The following MYT1L variants were observed in gnomAD, a reference collection of about 807,000 sequenced individuals.
MYT1L encodes myelin transcription factor 1 like.
In MYT1L, 12 loss-of-function variants were observed where a neutral mutation model predicts 126.7. The ratio of observed to expected loss-of-function variants is 0.09; its 90% confidence interval spans 0.06 to 0.15. MYT1L has a LOEUF of 0.15. Ranked by LOEUF, MYT1L falls within the 10% of genes least tolerant of loss-of-function variation. The pLI is 1.00. For missense variants in MYT1L, 979 were observed against 1,585.2 expected (o/e 0.62, Z 6.49); for synonymous variants, 541 against 604.2 (o/e 0.90, Z 1.53).
intron 2 of MYT1L, among the ~76,000 whole-genome samples, chr2:2,265,737 A>G (rs1469259193): frequency 6.6e-6 from 1 of 152,222 alleles, no homozygotes; most frequent in African/African-American, 2.4e-5. Flanking sequence ...GGTAAGCATG[A>G]AGTTCAATAA....
intron 21 of MYT1L, chr2:1,816,715 T>G (rs1346606704): frequency 6.5e-6 from 1 of 152,780 alleles, no homozygotes; most frequent in African/African-American, 2.4e-5. Flanking sequence ...GTTCTCTCGC[T>G]TCAGGCGCTT....
At chr2:2,188,985 C>T (rs1327243739) in intron 2 of MYT1L, among the ~76,000 whole-genome samples, 1 of 152,180 alleles carries the variant, frequency 6.6e-6, no homozygotes, top group East Asian at 1.9e-4. Context: ...TGCGAGACTA[C>T]AGGGAGAGGA....
intron 2 of MYT1L, among the ~76,000 whole-genome samples, chr2:2,226,145 G>A (rs1398221350): frequency 6.6e-6 from 1 of 152,056 alleles, no homozygotes. Context: ...GAAAGCAAAG[G>A]CCAGAACCCA....
chr2:2,222,755 A>C (rs1405887406), intron 2 of MYT1L, among the ~76,000 whole-genome samples: 3 of 152,116 alleles, frequency 2.0e-5, no homozygotes, highest in African/African-American at 7.2e-5. Context: ...AAACTGTAGG[A>C]TATCTACTTG....
At chr2:2,287,137 T>C (rs762945783) in intron 1 of MYT1L, among the ~76,000 whole-genome samples, 1 of 152,154 alleles carries the variant, frequency 6.6e-6, no homozygotes, top group Non-Finnish European at 1.5e-5. Context: ...ATGCCTGTAA[T>C]ACCAGCTACT....
chr2:2,146,676 A>C (rs558675541), intron 3 of MYT1L, among the ~76,000 whole-genome samples: 1 of 151,588 alleles, frequency 6.6e-6, no homozygotes, highest in East Asian at 1.9e-4. Flanking sequence ...TTCAGAATTA[A>C]CAAGTGCATC....
chr2:2,319,323 C>T (rs1035561928), intron 1 of MYT1L: 2 of 152,180 alleles, frequency 1.3e-5, no homozygotes, highest in African/African-American at 2.4e-5. Context: ...GAACAGACCC[C>T]TGACAGTTAC....
chr2:1,875,691 G>C (rs2046820673), intron 18 of MYT1L, among the ~76,000 whole-genome samples: 1 of 152,198 alleles, frequency 6.6e-6, no homozygotes, highest in African/African-American at 2.4e-5. Context: ...ATGAGCGGAA[G>C]CAGATCGTGT....
intron 4 of MYT1L, among the ~76,000 whole-genome samples, chr2:2,014,762 A>C (rs1014808117): frequency 1.3e-5 from 2 of 152,226 alleles, no homozygotes; most frequent in Non-Finnish European, 2.9e-5. Flanking sequence ...TGGGGCGAGC[A>C]AGAGGACTAG....
rs114999152 is a variant in MYT1L, at chr2:1,964,899, G to T, written c.152+14266C>A. 4.9e-3 allele frequency among the ~76,000 whole-genome samples: 739 copies of T among 152,288 alleles called. 7 individuals carry two copies. The highest frequency in any genetic ancestry group is 0.017 in the African/African-American group (699 of 41,546). Reference sequence around the variant, plus strand: ...CAAGGAGCTTGGGGTCACGGGCAAGGAAGACTGACAGCCGTGGGTACAGGA... The same window carrying T: ...CAAGGAGCTTGGGGTCACGGGCAAGTAAGACTGACAGCCGTGGGTACAGGA... On this transcript the variant is annotated intron_variant, in intron 8 of 24. Coordinates refer to ENST00000647738, the MANE Select transcript of MYT1L (RefSeq NM_001303052.2).
chr2:1,826,530 C>A (rs1022639591), intron 21 of MYT1L, among the ~76,000 whole-genome samples: 1 of 152,060 alleles, frequency 6.6e-6, no homozygotes, highest in African/African-American at 2.4e-5. Context: ...TCACAGGGCC[C>A]TTTGGGATTC....
At chr2:2,247,763 T>G (rs926135443) in intron 2 of MYT1L, among the ~76,000 whole-genome samples, 1 of 152,098 alleles carries the variant, frequency 6.6e-6, no homozygotes, top group Non-Finnish European at 1.5e-5. Context: ...TACATAGAAA[T>G]TAAACAGCAT....
intron 3 of MYT1L, among the ~76,000 whole-genome samples, chr2:2,057,668 A>G (rs1477723003): frequency 6.6e-6 from 1 of 152,154 alleles, no homozygotes; most frequent in Non-Finnish European, 1.5e-5. Context: ...TCGTTTTGTT[A>G]TTTCAAGAAC....
chr2:2,142,159 G>C (rs2148182630), intron 3 of MYT1L, among the ~76,000 whole-genome samples: 1 of 152,104 alleles, frequency 6.6e-6, no homozygotes, highest in African/African-American at 2.4e-5. Context: ...TCGCCTGTTT[G>C]AGCCTTGTTC....
chr2:2,123,622 C>T (rs1241161707), intron 3 of MYT1L, among the ~76,000 whole-genome samples: 3 of 152,210 alleles, frequency 2.0e-5, no homozygotes, highest in Non-Finnish European at 2.9e-5. Context: ...CTTTGCCTCC[C>T]GCCATGACTG....
At chr2:1,898,745 G>A (rs1158525672) in intron 14 of MYT1L, among the ~76,000 whole-genome samples, 2 of 152,236 alleles carry the variant, frequency 1.3e-5, no homozygotes, top group Non-Finnish European at 1.5e-5. Flanking sequence ...CCTGCAGGAG[G>A]AGAAAACTTC....
chr2:1,890,413 C>A (rs988861106), intron 15 of MYT1L, among the ~76,000 whole-genome samples: 1 of 151,974 alleles, frequency 6.6e-6, no homozygotes, highest in Non-Finnish European at 1.5e-5. Context: ...TTCCACTTTA[C>A]GAAAGAAGAT....
chr2:1,980,918 C>A (rs1022487908), intron 5 of MYT1L, among the ~76,000 whole-genome samples: 5 of 152,152 alleles, frequency 3.3e-5, no homozygotes, highest in African/African-American at 1.2e-4. Context: ...AGAAGCTGGC[C>A]AAAGCCCCAT....
intron 2 of MYT1L, among the ~76,000 whole-genome samples, chr2:2,198,265 G>T (rs925993025): frequency 1.3e-5 from 2 of 152,058 alleles, no homozygotes; most frequent in African/African-American, 4.8e-5. Context: ...GACTAGGAAG[G>T]GGCAGGGGTA....
Sources: gnomAD v4.1 joint callset for allele counts (sites outside exome capture counted in the v4.1 genomes callset) on GRCh38, gnomAD v4.1.1 for gene constraint, MANE v1.5 for transcripts, NCBI Gene and HGNC (gene_info 2026-07-23, HGNC 2026-07-21) for gene names.